The following C1QTNF3 variants were observed in gnomAD, a reference collection of about 807,000 sequenced individuals.
C1QTNF3 encodes the protein C1q and TNF related 3.
C1QTNF3 carries 26 observed loss-of-function variants against 32.6 expected under a neutral mutation model. The observed-to-expected ratio is 0.80, with a 90% CI of 0.58 to 1.11. The LOEUF is 1.11. Among genes scored for constraint, C1QTNF3 ranks in the 50% least tolerant of loss-of-function variants. The probability of loss-of-function intolerance (pLI) is 0.00; values close to 1 mark genes in which losing one functional copy is unlikely to be tolerated. For synonymous variants in C1QTNF3, 155 were observed against 146.0 expected (o/e 1.06, Z -0.44); for missense variants, 362 against 398.2 (o/e 0.91, Z 0.77).
At chr5:34,149,542 G>T in the C1QTNF3 span, among the ~76,000 whole-genome samples, 1 of 952 alleles carries the variant, frequency 1.1e-3, no homozygotes, top group Non-Finnish European at 1.5e-3. Context: ...AGAGAGTGGG[G>T]GCCAATATTC....
chr5:34,027,715 C>CA (rs1327742926), intron 4 of C1QTNF3, among the ~76,000 whole-genome samples: 18 of 17,484 alleles, frequency 1.0e-3, no homozygotes, highest in African/African-American at 2.3e-3. Context: ...AACAAACAAA[C>CA]AAAAAAAATC....
At chr5:34,167,320 C>A in the C1QTNF3 span, 3 of 152,164 alleles carry the variant, frequency 2.0e-5, no homozygotes, top group East Asian at 5.8e-4. Context: ...CTCTGCCTCA[C>A]GTTTCAAGCT....
the C1QTNF3 span, among the ~76,000 whole-genome samples, chr5:34,237,184 T>G: frequency 6.6e-6 from 1 of 152,182 alleles, no homozygotes; most frequent in African/African-American, 2.4e-5. Flanking sequence ...AGCATTTTTG[T>G]TAATTAAAAA....
intron 3 of C1QTNF3, among the ~76,000 whole-genome samples, chr5:34,032,029 GTTC>G (rs1754626596): frequency 6.6e-6 from 1 of 152,160 alleles, no homozygotes; most frequent in Admixed American, 6.5e-5. Context: ...TTATAGTCTA[GTTC>G]TTCAAAAATC....
the C1QTNF3 span, among the ~76,000 whole-genome samples, chr5:34,195,713 C>T: frequency 6.6e-6 from 1 of 151,242 alleles, no homozygotes; most frequent in South Asian, 2.1e-4. Flanking sequence ...CAGTGGCGGG[C>T]GCCTTAGTCC....
the C1QTNF3 span, among the ~76,000 whole-genome samples, chr5:34,133,476 A>C: frequency 1.3e-5 from 2 of 152,216 alleles, no homozygotes; most frequent in Non-Finnish European, 2.9e-5. Context: ...GAAAAATCTC[A>C]TGAAGCAGCA....
the C1QTNF3 span, among the ~76,000 whole-genome samples, chr5:34,098,483 G>A: frequency 6.6e-6 from 1 of 152,174 alleles, no homozygotes; most frequent in African/African-American, 2.4e-5. Flanking sequence ...GGAGGAAACA[G>A]GCTTTTATGT....
chr5:34,097,112 C>T, the C1QTNF3 span, among the ~76,000 whole-genome samples: 80 of 151,562 alleles, frequency 5.3e-4, no homozygotes, highest in Non-Finnish European at 6.6e-4. Context: ...TCTCATCTCC[C>T]AAAAATGTTT....
chr5:34,160,383 G>T, the C1QTNF3 span, among the ~76,000 whole-genome samples: 2 of 152,142 alleles, frequency 1.3e-5, no homozygotes, highest in Admixed American at 1.3e-4. Context: ...AAATTATATG[G>T]ACGTGTAAAG....
At chr5:34,026,029 A>G (rs567714765) in intron 4 of C1QTNF3, among the ~76,000 whole-genome samples, 2 of 152,364 alleles carry the variant, frequency 1.3e-5, no homozygotes, top group South Asian at 4.1e-4. Context: ...AAAATCTGAC[A>G]GGGCCACTGC....
chr5:34,105,192 ATTTAAC>A, the C1QTNF3 span, among the ~76,000 whole-genome samples: 77 of 152,214 alleles, frequency 5.1e-4, no homozygotes, highest in South Asian at 0.014. Flanking sequence ...TACTTGCTTC[ATTTAAC>A]TTTGATTTCA....
the C1QTNF3 span, among the ~76,000 whole-genome samples, chr5:34,207,285 T>C: frequency 1.3e-5 from 2 of 151,352 alleles, no homozygotes; most frequent in Non-Finnish European, 2.9e-5. Context: ...GATATATATA[T>C]ATATATATGT....
the C1QTNF3 span, among the ~76,000 whole-genome samples, chr5:34,177,776 T>C: frequency 6.6e-6 from 1 of 151,210 alleles, no homozygotes; most frequent in Admixed American, 6.6e-5. Context: ...CGTCAGCCAC[T>C]GCACCCAGCC....
At chr5:34,131,551 C>T in the C1QTNF3 span, among the ~76,000 whole-genome samples, 5 of 151,994 alleles carry the variant, frequency 3.3e-5, no homozygotes, top group African/African-American at 7.3e-5. Context: ...TGCATGTTCT[C>T]ACTCATATGT....
At chr5:34,104,798 A>G in the C1QTNF3 span, among the ~76,000 whole-genome samples, 1 of 148,298 alleles carries the variant, frequency 6.7e-6, no homozygotes, top group South Asian at 2.2e-4. Flanking sequence ...CTGCCTCCCA[A>G]AGTGCTGGGA....
chr5:34,230,074 C>G, the C1QTNF3 span, among the ~76,000 whole-genome samples: 1 of 152,180 alleles, frequency 6.6e-6, no homozygotes, highest in Non-Finnish European at 1.5e-5. Flanking sequence ...GCACCTTAAT[C>G]TTGGACTTCC....
chr5:34,141,205 G>A, the C1QTNF3 span, among the ~76,000 whole-genome samples: 5 of 151,802 alleles, frequency 3.3e-5, no homozygotes, highest in Non-Finnish European at 5.9e-5. Context: ...CTGCAACTTC[G>A]CCTCCCAGGT....
chr5:34,142,933 C>A, the C1QTNF3 span, among the ~76,000 whole-genome samples: 7 of 152,166 alleles, frequency 4.6e-5, no homozygotes, highest in East Asian at 1.3e-3. Context: ...CTTAACCAGT[C>A]TGAAATGACT....
the C1QTNF3 span, among the ~76,000 whole-genome samples, chr5:34,052,187 C>T: frequency 6.6e-6 from 1 of 152,164 alleles, no homozygotes; most frequent in Non-Finnish European, 1.5e-5. Flanking sequence ...TGTTAAGCCA[C>T]TGTGCTTTCA....
Sources: allele counts gnomAD v4.1 joint callset (sites outside exome capture counted in the v4.1 genomes callset), GRCh38; gene constraint gnomAD v4.1.1; transcripts MANE v1.5; gene names NCBI Gene and HGNC (gene_info 2026-07-23, HGNC 2026-07-21).